DMGDH: variants seen among roughly 807,000 people sequenced by gnomAD.
The protein encoded by DMGDH is dimethylglycine dehydrogenase, mitochondrial.
Under a neutral mutation model 95.2 loss-of-function variants are expected in DMGDH, and 76 were observed. That is an observed-to-expected ratio of 0.80 (90% CI 0.66 to 0.97). DMGDH has a LOEUF of 0.97. Ranked by LOEUF, DMGDH falls within the 50% of genes least tolerant of loss-of-function variation. The pLI, the probability that DMGDH is intolerant of heterozygous loss-of-function variation, is 0.00. For missense variants in DMGDH, 987 were observed against 1,055.0 expected, an observed-to-expected ratio of 0.94 and a Z score of 0.89; for synonymous variants, 345 against 377.6, an observed-to-expected ratio of 0.91 and a Z score of 1.00.
At chr5:78,999,017 G>A (rs1390613006) in intron 15 of DMGDH, among the ~76,000 whole-genome samples, 1 of 152,120 alleles carries the variant, frequency 6.6e-6, no homozygotes, top group Admixed American at 6.5e-5. Context: ...AGTAAAACAC[G>A]ATATATAGCC....
chr5:79,014,978 G>A (rs906347460), intron 14 of DMGDH, among the ~76,000 whole-genome samples: 3 of 152,134 alleles, frequency 2.0e-5, no homozygotes, highest in Non-Finnish European at 4.4e-5. Context: ...CAAGTGCAGA[G>A]TGCTATAGAA....
At position 79,042,379 on chromosome 5, in the gene DMGDH, TTGATGATGTCAGCC is replaced by T; in HGVS notation, c.1083_1096del (p.Ala362CysfsTer11). ...ATACGTGATAGGACCATTGACAACA[TTGATGATGTCAGCC>T]TTTTTCAAGACAGGAACCATTTCCA... On this transcript the variant is annotated frameshift_variant, in exon 7 of 16. Transcript: ENST00000255189. LOFTEE classifies it high-confidence loss of function. The T allele has an allele frequency of 6.2e-7, 1 of 1,614,194 alleles. No homozygotes were observed. The highest frequency in any genetic ancestry group is 2.2e-5 in the East Asian group (1 of 44,884).
chr5:79,000,596 C>T, intron 15 of DMGDH: 1 of 609,042 alleles, frequency 1.6e-6, no homozygotes, highest in South Asian at 1.4e-5. Flanking sequence ...GGCTGACATG[C>T]AAAAATGAGA....
intron 5 of DMGDH, among the ~76,000 whole-genome samples, chr5:79,050,248 CAAAAAAAAAAAA>C (rs57662602): frequency 6.4e-5 from 5 of 78,640 alleles, no homozygotes; most frequent in African/African-American, 2.6e-4. Flanking sequence ...AACTTTGTCT[CAAAAAAAAAAAA>C]AAAAAAAAAA....
In DMGDH at chr5:79,042,419, T is replaced by C. The variant is rs772180983; in HGVS notation, c.1057A>G (p.Met353Val). 9 of 1,614,196 alleles carry C rather than the reference T, an allele frequency of 5.6e-6. No individual in the cohort carries two copies. The highest frequency in any genetic ancestry group is 6.8e-6 in the Non-Finnish European group (8 of 1,180,028). ...TTTTTCAAGACAGGAACCATTTCCATGGCAGCTTTGATGTGTTCCATGATT... is the reference window on the plus strand; with the variant it reads ...TTTTTCAAGACAGGAACCATTTCCACGGCAGCTTTGATGTGTTCCATGATT... Reference protein sequence around the residue: ...DRIMEHIKAAMEMVPVLKKAD... With the variant: ...DRIMEHIKAAVEMVPVLKKAD... Residue 353 changes from methionine (M) to valine (V), a missense_variant, in exon 7 of 16, where the codon ATG becomes GTG. Met to Val is a conservative substitution (Grantham distance 21). Transcript: ENST00000255189.
intron 1 of DMGDH, among the ~76,000 whole-genome samples, chr5:79,064,738 T>A (rs1266169263): frequency 6.6e-6 from 1 of 152,070 alleles, no homozygotes; most frequent in South Asian, 2.1e-4. Flanking sequence ...ATATATATAT[T>A]TTTTTAACTT....
chr5:79,026,359 C>T, intron 13 of DMGDH, 65 bp downstream of exon 13: 2 of 1,602,042 alleles, frequency 1.2e-6, no homozygotes, highest in Non-Finnish European at 1.7e-6. Context: ...CAGTTCAAAC[C>T]AGCCCTTATA....
chr5:79,045,377 T>C (rs1754641749), intron 5 of DMGDH, among the ~76,000 whole-genome samples: 1 of 152,148 alleles, frequency 6.6e-6, no homozygotes, highest in Non-Finnish European at 1.5e-5. Flanking sequence ...TTGCAAAAGA[T>C]AGAACTGGAT....
chr5:79,063,600 G>A lies in DMGDH; in HGVS notation c.276+13C>T. On this transcript the variant is annotated intron_variant, in intron 2 of 15. Transcript: ENST00000255189. ...AATTCCACGCTTATGACAGTTTGGGGTGCTTTTCTTACTGCGTGCCAGGTA... is the reference window on the plus strand; with the variant it reads ...AATTCCACGCTTATGACAGTTTGGGATGCTTTTCTTACTGCGTGCCAGGTA... 3.7e-6 allele frequency: 6 copies of A among 1,614,158 alleles called. No homozygotes were observed. Among genetic ancestry groups the A allele is most frequent in the Non-Finnish European group, 5.1e-6 (6 of 1,180,018 alleles).
chr5:79,064,079 T>C (rs962624593), intron 1 of DMGDH, among the ~76,000 whole-genome samples: 2 of 152,070 alleles, frequency 1.3e-5, no homozygotes, highest in African/African-American at 4.8e-5. Context: ...CAGGTCAGGT[T>C]TGGTGATGCA....
rs184981534 is a variant in DMGDH, at chr5:79,020,708, T to G, written c.2250+3563A>C. 76 of 982,520 alleles carry G rather than the reference T, an allele frequency of 7.7e-5. No individual in the cohort carries two copies. The East Asian group carries it at 3.9e-3, about 50-fold the overall frequency. 60.9% of individuals were successfully genotyped at this position (982,520 alleles called of 1,614,324 possible). On this transcript the variant is annotated intron_variant, in intron 14 of 15. Transcript: ENST00000255189. ...TTACATTTTATTCTGTTTCTACTAG[T>G]TAGAAGCTCTACACGGGGAGAGAGG...
In DMGDH at chr5:79,021,779, A is replaced by G. The variant is rs897926325; in HGVS notation, c.2250+2492T>C. 3 of 1,206,976 alleles carry G rather than the reference A, an allele frequency of 2.5e-6. No individual in the cohort carries two copies. The Admixed American group carries it at 7.0e-5, about 28-fold the overall frequency. 74.8% of individuals were successfully genotyped at this position (1,206,976 alleles called of 1,614,324 possible). A position where few individuals can be genotyped will look rare whatever the true frequency, so the allele number is the denominator to read the frequency against. ...ACAAACAATATATGTTACCAGAGAG[A>G]GAAATTCTTGGGCAGTCTTTCAAGT... On this transcript the variant is annotated intron_variant, in intron 14 of 15. Coordinates refer to ENST00000255189, the MANE Select transcript of DMGDH (RefSeq NM_013391.3).
At chr5:79,019,078 A>G (rs1753801223) in intron 14 of DMGDH, among the ~76,000 whole-genome samples, 1 of 152,182 alleles carries the variant, frequency 6.6e-6, no homozygotes, top group Admixed American at 6.5e-5. Flanking sequence ...ACATGGCACC[A>G]ATGTCTTCAA....
rs576987855 is a variant in DMGDH, at chr5:79,059,971, G to A, written c.276+3642C>T. On this transcript the variant is annotated intron_variant, in intron 2 of 15. Coordinates refer to ENST00000255189, the MANE Select transcript of DMGDH (RefSeq NM_013391.3). The stretch of plus-strand genomic sequence containing the variant: ...CTATTTCTATAAAGCTAATCACAAT[G>A]GTGATATCCTATAGCACGCAATCTG... 3.9e-5 allele frequency among the ~76,000 whole-genome samples: 6 copies of A among 152,186 alleles called. No homozygotes were observed. The East Asian group carries it at 1.2e-3, about 29-fold the overall frequency.
intron 5 of DMGDH, among the ~76,000 whole-genome samples, chr5:79,044,997 T>A (rs886193967): frequency 6.6e-6 from 1 of 152,114 alleles, no homozygotes; most frequent in Admixed American, 6.5e-5. Flanking sequence ...CATAATGATA[T>A]ACCTAAGAAA....
chr5:79,020,267 A>T (rs916062898), intron 14 of DMGDH, among the ~76,000 whole-genome samples: 2 of 152,146 alleles, frequency 1.3e-5, no homozygotes, highest in African/African-American at 4.8e-5. Context: ...TTAAACAGCG[A>T]AATATTATTT....
intron 7 of DMGDH, among the ~76,000 whole-genome samples, chr5:79,035,248 C>T (rs1180558831): frequency 1.3e-5 from 2 of 152,036 alleles, no homozygotes; most frequent in Admixed American, 1.3e-4. Context: ...TTCACTTAAC[C>T]AGGCCCAATG....
intron 1 of DMGDH, among the ~76,000 whole-genome samples, chr5:79,067,673 T>G (rs887465863): frequency 2.0e-5 from 3 of 152,168 alleles, no homozygotes; most frequent in African/African-American, 7.2e-5. Flanking sequence ...TCAGACTAGG[T>G]ATAGTGTTTT....
intron 7 of DMGDH, among the ~76,000 whole-genome samples, chr5:79,034,875 G>C (rs952484866): frequency 2.0e-5 from 3 of 151,616 alleles, no homozygotes; most frequent in African/African-American, 7.3e-5. Context: ...GGCTAACACG[G>C]TGAAACCCCG....
Sources: gnomAD v4.1 joint callset for allele counts (sites outside exome capture counted in the v4.1 genomes callset) on GRCh38, gnomAD v4.1.1 for gene constraint, MANE v1.5 for transcripts, NCBI Gene and HGNC (gene_info 2026-07-23, HGNC 2026-07-21) for gene names.